DNAAF11: variants seen among roughly 807,000 people sequenced by gnomAD.
DNAAF11 encodes the protein dynein axonemal assembly factor 11, also known as leucine rich repeat containing 6.
In DNAAF11, 45 loss-of-function variants were observed where a neutral mutation model predicts 60.8. That is an observed-to-expected ratio of 0.74 (90% CI 0.58 to 0.95). The LOEUF (loss-of-function observed/expected upper bound fraction) is 0.95. Ranked by LOEUF, DNAAF11 falls within the 40% of genes least tolerant of loss-of-function variation. The probability of loss-of-function intolerance (pLI) is 0.00; values close to 1 mark genes in which losing one functional copy is unlikely to be tolerated. For synonymous variants in DNAAF11, 191 were observed against 183.5 expected, an observed-to-expected ratio of 1.04 and a Z score of -0.33; for missense variants, 546 against 546.2, an observed-to-expected ratio of 1.00 and a Z score of 0.00.
In DNAAF11 at chr8:132,660,935, A is replaced by G. The variant is rs140094989; in HGVS notation, c.178+525T>C. Among the ~76,000 whole-genome samples the G allele has an allele frequency of 6.7e-4, 102 of 152,262 alleles. No individual in the cohort carries two copies. In the East Asian group the frequency reaches 0.014, roughly 21 times the overall value. On this transcript the variant is annotated intron_variant, in intron 2 of 11. Coordinates refer to ENST00000620350, the MANE Select transcript of DNAAF11 (RefSeq NM_012472.6). ...GAGCTTTATCAGTTATAATACTGAT[A>G]TTTTTATCTTCATTGACCTGATCCC...
At chr8:132,674,998 G>T (rs1406076109) in intron 1 of DNAAF11, among the ~76,000 whole-genome samples, 1 of 152,184 alleles carries the variant, frequency 6.6e-6, no homozygotes. Flanking sequence ...GAAGTCACTC[G>T]CTCAAAGTCA....
upstream of DNAAF11, among the ~76,000 whole-genome samples, chr8:132,680,572 T>C (rs1419372658): frequency 6.6e-6 from 1 of 152,198 alleles, no homozygotes; most frequent in Non-Finnish European, 1.5e-5. Context: ...GCATTTATTT[T>C]TCTTCAGAAA....
intron 4 of DNAAF11, among the ~76,000 whole-genome samples, chr8:132,636,017 G>A (rs185500350): frequency 4.6e-5 from 7 of 151,880 alleles, no homozygotes; most frequent in African/African-American, 4.8e-5. Context: ...GAACTTGAAC[G>A]TCTGGCCTTC....
rs887047545 is a variant in DNAAF11, at chr8:132,570,649, T to C, written c.*1657A>G. 2.0e-5 allele frequency among the ~76,000 whole-genome samples: 3 copies of C among 151,996 alleles called. No individual in the cohort carries two copies. The highest frequency in any genetic ancestry group is 2.0e-4 in the Admixed American group (3 of 15,256). On this transcript the variant is annotated 3_prime_UTR_variant, in exon 12 of 12. Coordinates refer to ENST00000620350, the MANE Select transcript of DNAAF11 (RefSeq NM_012472.6). ...GGGTAGAGTTGACCATGAAGAAAGG[T>C]GTTATACTCAGTCATTGCCATCAGT...
chr8:132,586,255 A>G (rs1000660116), intron 10 of DNAAF11, among the ~76,000 whole-genome samples: 1 of 152,160 alleles, frequency 6.6e-6, no homozygotes, highest in Non-Finnish European at 1.5e-5. Context: ...ATTTTCTGCA[A>G]TTCTGTTTTT....
chr8:132,601,131 C>T (rs1817568042), intron 10 of DNAAF11, among the ~76,000 whole-genome samples: 2 of 152,204 alleles, frequency 1.3e-5, no homozygotes, highest in East Asian at 1.9e-4. Context: ...ACAGACATTT[C>T]TCAAAAGAAG....
upstream of DNAAF11, chr8:132,675,549 T>A (rs1054449779): frequency 5.2e-6 from 8 of 1,538,504 alleles, no homozygotes; most frequent in African/African-American, 1.1e-4. Context: ...GAATGACGCT[T>A]TTCACCCTTC....
upstream of DNAAF11, among the ~76,000 whole-genome samples, chr8:132,677,523 A>G (rs916687397): frequency 6.6e-6 from 1 of 152,174 alleles, no homozygotes; most frequent in Non-Finnish European, 1.5e-5. Flanking sequence ...AGCAATTGCA[A>G]CCCAGGTATT....
chr8:132,684,666 C>A, the DNAAF11 span, among the ~76,000 whole-genome samples: 1 of 152,176 alleles, frequency 6.6e-6, no homozygotes, highest in Non-Finnish European at 1.5e-5. Flanking sequence ...CTAGAGATTG[C>A]CTCCTAGAAA....
intron 3 of DNAAF11, among the ~76,000 whole-genome samples, chr8:132,645,013 T>G (rs1256148488): frequency 6.6e-6 from 1 of 152,302 alleles, no homozygotes; most frequent in South Asian, 2.1e-4. Flanking sequence ...GTTTGAGATC[T>G]GAGAATGGAC....
At chr8:132,690,193 G>T in the DNAAF11 span, among the ~76,000 whole-genome samples, 1 of 152,078 alleles carries the variant, frequency 6.6e-6, no homozygotes. Flanking sequence ...TCTTACATTG[G>T]TGATATGGTT....
chr8:132,592,075 A>G (rs1051436818), intron 10 of DNAAF11, among the ~76,000 whole-genome samples: 1 of 152,174 alleles, frequency 6.6e-6, no homozygotes, highest in Admixed American at 6.6e-5. Flanking sequence ...AATATCCTCC[A>G]ATTTTATTAT....
At chr8:132,695,116 T>C in the DNAAF11 span, among the ~76,000 whole-genome samples, 6 of 152,254 alleles carry the variant, frequency 3.9e-5, no homozygotes, top group African/African-American at 7.2e-5. Flanking sequence ...GCTACTTGCA[T>C]GGACGGTAGG....
At chr8:132,593,330 TAC>T (rs1270392136) in intron 10 of DNAAF11, among the ~76,000 whole-genome samples, 10 of 100,790 alleles carry the variant, frequency 9.9e-5, no homozygotes, top group African/African-American at 3.2e-4. Flanking sequence ...AATATATACA[TAC>T]ATATATATAT....
intron 1 of DNAAF11, among the ~76,000 whole-genome samples, chr8:132,667,528 C>T (rs1349570931): frequency 1.3e-5 from 2 of 152,042 alleles, no homozygotes; most frequent in Admixed American, 6.5e-5. Flanking sequence ...GAAAAATATG[C>T]CAAGGCACAA....
At chr8:132,633,003 G>A in intron 4 of DNAAF11, 40 bp from the exon 5 acceptor site, 1 of 1,426,858 alleles carries the variant, frequency 7.0e-7, no homozygotes, top group Non-Finnish European at 9.8e-7. Flanking sequence ...TTGTTCAAAA[G>A]TAGCAGTGTG....
the DNAAF11 span, among the ~76,000 whole-genome samples, chr8:132,691,089 A>C: frequency 4.6e-5 from 7 of 151,868 alleles, no homozygotes; most frequent in East Asian, 5.8e-4. Context: ...GTTGTGCTGC[A>C]CTCCTCAGTG....
chr8:132,610,093 AGTCCT>A, intron 10 of DNAAF11, 68 bp downstream of exon 10: 5 of 1,003,902 alleles, frequency 5.0e-6, no homozygotes, highest in Non-Finnish European at 7.9e-6. Flanking sequence ...AGTCATCATT[AGTCCT>A]GACAGGTCAA....
At chr8:132,599,100 C>T (rs1044419747) in intron 10 of DNAAF11, among the ~76,000 whole-genome samples, 14 of 151,862 alleles carry the variant, frequency 9.2e-5, no homozygotes, top group African/African-American at 2.4e-4. Context: ...ATATCACCAC[C>T]GATCCCACAG....
Sources: gnomAD v4.1 joint callset for allele counts (sites outside exome capture counted in the v4.1 genomes callset) on GRCh38, gnomAD v4.1.1 for gene constraint, MANE v1.5 for transcripts, NCBI Gene and HGNC (gene_info 2026-07-23, HGNC 2026-07-21) for gene names.